The following PDE4D variants were observed in gnomAD, a reference collection of about 807,000 sequenced individuals.
PDE4D encodes the protein phosphodiesterase 4D.
A neutral mutation model predicts 87.4 loss-of-function variants in PDE4D; 24 were observed. The ratio of observed to expected loss-of-function variants is 0.27; its 90% CI spans 0.20 to 0.39. The LOEUF (loss-of-function observed/expected upper bound fraction) is 0.39. Ranked by LOEUF, PDE4D falls within the 10% of genes least tolerant of loss-of-function variation. PDE4D has a pLI of 1.00. For synonymous variants in PDE4D, 384 were observed against 383.2 expected, an observed-to-expected ratio of 1.00 and a Z score of -0.02; for missense variants, 714 against 1,041.0, an observed-to-expected ratio of 0.69 and a Z score of 4.32.
intron 11 of PDE4D, among the ~76,000 whole-genome samples, chr5:58,987,927 GTC>G (rs1241111181): frequency 6.6e-6 from 1 of 152,032 alleles, no homozygotes; most frequent in African/African-American, 2.4e-5. Flanking sequence ...ATATTAAACA[GTC>G]TCTACTATTC....
intron 1 of PDE4D, among the ~76,000 whole-genome samples, chr5:60,297,820 A>G (rs1338025263): frequency 6.6e-6 from 1 of 152,218 alleles, no homozygotes; most frequent in Admixed American, 6.5e-5. Flanking sequence ...TTAACACAAT[A>G]TAACTTCTTT....
rs1378703042 is a variant in PDE4D at position 59,662,833 on chromosome 5, A to G, written c.455+230335T>C. 2.0e-5 allele frequency among the ~76,000 whole-genome samples: 3 copies of G among 151,730 alleles called. No individual in the cohort carries two copies. In the East Asian group the frequency reaches 5.8e-4, roughly 29 times the overall value. On this transcript the variant is annotated intron_variant, in intron 1 of 14. Transcript: ENST00000340635. ...CAGAAAGATAACTTTTACTTCTGCT[A>G]TTTATTATTAATTTTCTTCCTTTCA... is the stretch of plus-strand genomic sequence containing the variant.
chr5:60,359,749 A>C (rs1759900396), intron 1 of PDE4D, among the ~76,000 whole-genome samples: 1 of 152,154 alleles, frequency 6.6e-6, no homozygotes, highest in South Asian at 2.1e-4. Flanking sequence ...GTTGTTGCAC[A>C]CTATCTGTGC....
At chr5:59,802,521 C>T (rs1020195187) in intron 1 of PDE4D, among the ~76,000 whole-genome samples, 1 of 151,470 alleles carries the variant, frequency 6.6e-6, no homozygotes, top group Non-Finnish European at 1.5e-5. Flanking sequence ...GCCTCAGCCT[C>T]CCAAATAGCT....
chr5:60,048,725 T>C (rs1194147382), intron 2 of PDE4D, among the ~76,000 whole-genome samples: 18 of 152,138 alleles, frequency 1.2e-4, no homozygotes, highest in East Asian at 5.8e-4. Flanking sequence ...GAGTTTCTGC[T>C]GAGAGATCCG....
At chr5:59,938,063 T>C (rs544996045) in intron 3 of PDE4D, among the ~76,000 whole-genome samples, 1 of 152,336 alleles carries the variant, frequency 6.6e-6, no homozygotes, top group South Asian at 2.1e-4. Flanking sequence ...ACAGCATGAC[T>C]TTTCCTTTTC....
At chr5:59,621,619 T>C (rs570346573) in intron 1 of PDE4D, among the ~76,000 whole-genome samples, 1 of 152,338 alleles carries the variant, frequency 6.6e-6, no homozygotes, top group East Asian at 1.9e-4. Flanking sequence ...CCTGTTCTCC[T>C]TCCTGCAGCA....
chr5:60,009,264 T>C (rs1477828112), intron 2 of PDE4D, among the ~76,000 whole-genome samples: 1 of 152,102 alleles, frequency 6.6e-6, no homozygotes, highest in African/African-American at 2.4e-5. Flanking sequence ...TTTAATCTGA[T>C]ATGCTTTACT....
At chr5:59,877,830 A>T (rs1246181403) in intron 1 of PDE4D, among the ~76,000 whole-genome samples, 1 of 152,146 alleles carries the variant, frequency 6.6e-6, no homozygotes, top group Non-Finnish European at 1.5e-5. Flanking sequence ...AAAAAGAGAA[A>T]GAAAAGTTTA....
intron 1 of PDE4D, among the ~76,000 whole-genome samples, chr5:60,389,384 T>C (rs1392841783): frequency 6.6e-6 from 1 of 151,154 alleles, no homozygotes; most frequent in Non-Finnish European, 1.5e-5. Context: ...GATTAAAAAA[T>C]TTTAATCATA....
intron 2 of PDE4D, among the ~76,000 whole-genome samples, chr5:60,092,606 G>A (rs1427236871): frequency 1.3e-5 from 2 of 151,546 alleles, no homozygotes; most frequent in African/African-American, 4.9e-5. Context: ...GAGGGTACTA[G>A]GAATAAAGTT....
chr5:60,517,335 G>A (rs912730235), intron 1 of PDE4D, among the ~76,000 whole-genome samples: 14 of 152,188 alleles, frequency 9.2e-5, no homozygotes, highest in African/African-American at 3.1e-4. Flanking sequence ...GGAGGCAGAC[G>A]GACTCCTGGA....
chr5:60,322,937 C>CA (rs1282604380), intron 1 of PDE4D, among the ~76,000 whole-genome samples: 1 of 152,226 alleles, frequency 6.6e-6, no homozygotes, highest in African/African-American at 2.4e-5. Context: ...ATTTGAGCAG[C>CA]ATTTTATATT....
At chr5:59,918,794 G>C (rs1159193028) in intron 3 of PDE4D, among the ~76,000 whole-genome samples, 2 of 152,116 alleles carry the variant, frequency 1.3e-5, no homozygotes, top group Non-Finnish European at 2.9e-5. Flanking sequence ...AGTGACCTCA[G>C]GAGTTGATCC....
intron 1 of PDE4D, among the ~76,000 whole-genome samples, chr5:59,687,973 G>A (rs549542403): frequency 1.1e-4 from 16 of 152,208 alleles, no homozygotes; most frequent in African/African-American, 3.1e-4. Flanking sequence ...AGACAAAGAA[G>A]GCCATTACGT....
chr5:60,354,893 C>A (rs548232096), intron 1 of PDE4D, among the ~76,000 whole-genome samples: 116 of 152,218 alleles, frequency 7.6e-4, no homozygotes, highest in African/African-American at 2.7e-3. Flanking sequence ...TTAGGCTACC[C>A]ATTTGGCAGA....
At chr5:60,324,006 G>T (rs968673058) in intron 1 of PDE4D, among the ~76,000 whole-genome samples, 2 of 152,024 alleles carry the variant, frequency 1.3e-5, no homozygotes, top group African/African-American at 4.8e-5. Flanking sequence ...GTGCTTGTCA[G>T]CTCCAATTTT....
chr5:59,191,989 A>G (rs868403148), intron 3 of PDE4D, among the ~76,000 whole-genome samples: 2 of 152,240 alleles, frequency 1.3e-5, no homozygotes, highest in African/African-American at 4.8e-5. Flanking sequence ...GGTACTAGAA[A>G]GAATTCATAA....
chr5:60,059,358 C>G (rs1412271742), intron 2 of PDE4D, among the ~76,000 whole-genome samples: 1 of 151,860 alleles, frequency 6.6e-6, no homozygotes, highest in African/African-American at 2.4e-5. Flanking sequence ...TGTGAACTAC[C>G]TAGAATAGCA....
Sources: gnomAD v4.1 joint callset for allele counts (sites outside exome capture counted in the v4.1 genomes callset) on GRCh38, gnomAD v4.1.1 for gene constraint, MANE v1.5 for transcripts, NCBI Gene and HGNC (gene_info 2026-07-23, HGNC 2026-07-21) for gene names.